GLI3: variants seen among roughly 807,000 people sequenced by gnomAD.
The protein encoded by GLI3 is transcription activator GLI3.
A neutral mutation model predicts 100.8 loss-of-function variants in GLI3; 20 were observed. The ratio of observed to expected loss-of-function variants is 0.20; its 90% CI spans 0.14 to 0.29. The LOEUF is 0.29. Ranked by LOEUF, GLI3 falls within the 10% of genes least tolerant of loss-of-function variation. GLI3 has a pLI of 1.00. For missense variants in GLI3, 2,040 were observed against 2,128.5 expected, an observed-to-expected ratio of 0.96 and a Z score of 0.82; for synonymous variants, 938 against 860.5, an observed-to-expected ratio of 1.09 and a Z score of -1.58.
intron 10 of GLI3, among the ~76,000 whole-genome samples, chr7:42,020,087 T>C (rs1412561366): frequency 2.0e-5 from 3 of 152,072 alleles, no homozygotes; most frequent in Non-Finnish European, 2.9e-5. Flanking sequence ...GAAGAGGGGC[T>C]TGAAATAAAG....
chr7:42,215,121 C>T (rs1007298001), intron 2 of GLI3, among the ~76,000 whole-genome samples: 7 of 151,992 alleles, frequency 4.6e-5, no homozygotes, highest in African/African-American at 1.7e-4. Context: ...TGGGGACTCA[C>T]ACCATATGCG....
intron 4 of GLI3, among the ~76,000 whole-genome samples, chr7:42,049,994 A>C (rs966852976): frequency 6.6e-6 from 1 of 152,098 alleles, no homozygotes. Context: ...GGCCCCCATC[A>C]CCCTGTCAGA....
chr7:42,003,271 A>T (rs1788360582), intron 10 of GLI3, among the ~76,000 whole-genome samples: 1 of 152,230 alleles, frequency 6.6e-6, no homozygotes, highest in African/African-American at 2.4e-5. Flanking sequence ...TGTATTATTT[A>T]AAAAGAAAGA....
chr7:42,065,561 C>G (rs1784657386), intron 4 of GLI3, among the ~76,000 whole-genome samples: 1 of 152,092 alleles, frequency 6.6e-6, no homozygotes, highest in South Asian at 2.1e-4. Context: ...AGTCATAAAC[C>G]ATGCTTCAAA....
chr7:42,044,534 CA>C (rs1207343437), intron 6 of GLI3, among the ~76,000 whole-genome samples: 24 of 152,194 alleles, frequency 1.6e-4, no homozygotes, highest in African/African-American at 5.5e-4. Flanking sequence ...CAAGTAATCT[CA>C]CCTTATTCCA....
At chr7:42,211,489 T>C (rs1335935381) in intron 2 of GLI3, among the ~76,000 whole-genome samples, 4 of 152,264 alleles carry the variant, frequency 2.6e-5, no homozygotes, top group Admixed American at 2.6e-4. Context: ...GTATGTTTTC[T>C]GGTTTTTAAA....
intron 3 of GLI3, among the ~76,000 whole-genome samples, chr7:42,134,946 T>G (rs1303185770): frequency 6.6e-6 from 1 of 152,024 alleles, no homozygotes; most frequent in Non-Finnish European, 1.5e-5. Context: ...GTCCATAAAT[T>G]TGATATTTGG....
chr7:42,246,803 ATCT>A (rs1788979994), intron 1 of GLI3, among the ~76,000 whole-genome samples: 1 of 63,380 alleles, frequency 1.6e-5, no homozygotes, highest in African/African-American at 5.8e-5. Context: ...GGATGATAGA[ATCT>A]TTTTTTTTTT....
rs543324306 is a variant in GLI3, at chr7:42,234,883, A to G, written c.-43+2088T>C. Among the ~76,000 whole-genome samples the G allele has an allele frequency of 5.9e-5, 9 of 152,296 alleles. No individual in the cohort carries two copies. In the South Asian group the frequency reaches 1.9e-3, roughly 32 times the overall value. The stretch of plus-strand genomic sequence containing the variant: ...ACTCTCTACTCTGTATAAGCATGCT[A>G]TTACAACTAATTTAAATGTTATTTC... On this transcript the variant is annotated intron_variant, in intron 1 of 14. Coordinates refer to ENST00000395925, the MANE Select transcript of GLI3 (RefSeq NM_000168.6).
chr7:42,101,432 C>A (rs1785458630), intron 3 of GLI3, among the ~76,000 whole-genome samples: 1 of 152,000 alleles, frequency 6.6e-6, no homozygotes, highest in African/African-American at 2.4e-5. Context: ...AAGACCTGGT[C>A]TCTACAATTT....
upstream of GLI3, among the ~76,000 whole-genome samples, chr7:42,240,917 T>C (rs981145404): frequency 6.6e-6 from 1 of 152,134 alleles, no homozygotes; most frequent in Non-Finnish European, 1.5e-5. Flanking sequence ...ATACAAATAC[T>C]TTTCTCCCCT....
At chr7:42,149,735 CAT>C (rs1463215312) in intron 2 of GLI3, among the ~76,000 whole-genome samples, 1 of 152,136 alleles carries the variant, frequency 6.6e-6, no homozygotes, top group East Asian at 1.9e-4. Flanking sequence ...ATCTTGAGCA[CAT>C]CTTATTCTCA....
intron 2 of GLI3, chr7:42,152,274 A>C (rs1362500889): frequency 5.1e-6 from 2 of 390,142 alleles, no homozygotes; most frequent in Non-Finnish European, 7.0e-6. Flanking sequence ...TTCCCTTAAA[A>C]CCCATTTTAA....
At chr7:42,082,193 A>C (rs1170394634) in intron 3 of GLI3, among the ~76,000 whole-genome samples, 1 of 151,946 alleles carries the variant, frequency 6.6e-6, no homozygotes, top group Non-Finnish European at 1.5e-5. Flanking sequence ...ACTGCCAAGG[A>C]ACTCACTCTA....
intron 1 of GLI3, among the ~76,000 whole-genome samples, chr7:42,230,133 G>T (rs1352824359): frequency 3.7e-5 from 5 of 135,354 alleles, no homozygotes; most frequent in South Asian, 2.4e-4. Flanking sequence ...AACTTCATAA[G>T]TTCTTAATGA....
intron 3 of GLI3, among the ~76,000 whole-genome samples, chr7:42,084,285 C>A (rs532862484): frequency 1.2e-4 from 19 of 152,312 alleles, no homozygotes; most frequent in Admixed American, 7.8e-4. Context: ...CAAGAAAATG[C>A]CAAATGTTCC....
intron 7 of GLI3, among the ~76,000 whole-genome samples, chr7:42,032,334 A>C (rs1789318368): frequency 6.6e-6 from 1 of 152,216 alleles, no homozygotes; most frequent in East Asian, 1.9e-4. Context: ...CTTTCACAAT[A>C]AATATTTATT....
At chr7:42,190,350 A>G (rs1319226171) in intron 2 of GLI3, among the ~76,000 whole-genome samples, 1 of 152,184 alleles carries the variant, frequency 6.6e-6, no homozygotes, top group Non-Finnish European at 1.5e-5. Flanking sequence ...AGAAAGACAG[A>G]CAATACAAGC....
intron 3 of GLI3, among the ~76,000 whole-genome samples, chr7:42,123,233 A>G (rs1786045122): frequency 6.6e-6 from 1 of 152,186 alleles, no homozygotes; most frequent in Non-Finnish European, 1.5e-5. Flanking sequence ...TTCCGGAGAG[A>G]GAATTACACT....
Sources: allele counts gnomAD v4.1 joint callset (sites outside exome capture counted in the v4.1 genomes callset), GRCh38; gene constraint gnomAD v4.1.1; transcripts MANE v1.5; gene names NCBI Gene and HGNC (gene_info 2026-07-23, HGNC 2026-07-21).